CAMKK1: variants seen among roughly 807,000 people sequenced by gnomAD.
CAMKK1 encodes the protein calcium/calmodulin-dependent protein kinase kinase 1.
CAMKK1 carries 20 observed loss-of-function variants against 63.5 expected under a neutral mutation model. The ratio of observed to expected loss-of-function variants is 0.32; its 90% CI spans 0.22 to 0.46. CAMKK1 has a LOEUF of 0.46. Among genes scored for constraint, CAMKK1 ranks in the 20% least tolerant of loss-of-function variants. The pLI is 1.00. For synonymous variants in CAMKK1, 253 were observed against 269.0 expected, an observed-to-expected ratio of 0.94 and a Z score of 0.58; for missense variants, 588 against 658.1, an observed-to-expected ratio of 0.89 and a Z score of 1.17.
intron 14 of CAMKK1, among the ~76,000 whole-genome samples, chr17:3,867,182 G>C (rs1014788499): frequency 3.9e-5 from 6 of 152,236 alleles, no homozygotes; most frequent in Admixed American, 1.3e-4. Context: ...GGGAAGGCTC[G>C]CTTCTCTCTA....
Position 3,862,138 on chromosome 17 carries a change from G to A in CAMKK1, c.*73C>T. ...CAGCCCCCTGCCTGCGGGGGCGGCTGTTGCATGAGGGGTGGGCCTCTGGAG... is the reference window on the plus strand; with the variant it reads ...CAGCCCCCTGCCTGCGGGGGCGGCTATTGCATGAGGGGTGGGCCTCTGGAG... On this transcript the variant is annotated 3_prime_UTR_variant, in exon 16 of 16. Transcript: ENST00000348335. The surrounding 1 kb of genome is among the most constrained non-coding windows in gnomAD (Gnocchi z 4.1). The A allele has an allele frequency of 2.3e-6, 3 of 1,313,344 alleles. No individual in the cohort carries two copies. The highest frequency in any genetic ancestry group is 3.2e-6 in the Non-Finnish European group (3 of 940,990). 81.4% of individuals were successfully genotyped at this position (1,313,344 alleles called of 1,614,324 possible). A position where few individuals can be genotyped will look rare whatever the true frequency, so the allele number is the denominator to read the frequency against.
rs2055522845 is a variant in CAMKK1, at chr17:3,883,826, C to A, written c.462+58G>T. ...TCTCCTAAGCACAACTCCTGCCCCA[C>A]CCCTCAGGCTTCCAGGGCCTGGCTT... On this transcript the variant is annotated intron_variant, in intron 4 of 15. Coordinates refer to ENST00000348335, the MANE Select transcript of CAMKK1 (RefSeq NM_032294.3). This position sits in a 1 kb window ranked among gnomAD's most constrained non-coding sequence, Gnocchi z 4.7. The A allele has an allele frequency of 6.4e-7, 1 of 1,560,906 alleles. No homozygotes were observed.
At chr17:3,869,157 T>A (rs6502750) in intron 14 of CAMKK1, among the ~76,000 whole-genome samples, 57,128 of 147,776 alleles carry the variant, frequency 0.39, 13,580 homozygotes, top group African/African-American at 0.68. Context: ...TTTAGTAGAG[T>A]CGGGGTTTCA....
chr17:3,890,853 C>T lies in CAMKK1; in HGVS notation c.-44+2086G>A, dbSNP rs1357939702. On this transcript the variant is annotated intron_variant, in intron 1 of 15. Coordinates refer to ENST00000348335, the MANE Select transcript of CAMKK1 (RefSeq NM_032294.3). The surrounding 1 kb of genome is among the most constrained non-coding windows in gnomAD (Gnocchi z 6.5). ...TCTTCTGAGCCCTCCTTGATCTCCC[C>T]ACTACCTGCTGGGTGAGCTCACCAA... 1.3e-6 allele frequency: 1 copy of T among 752,186 alleles called. No homozygotes were observed. 46.6% of individuals were successfully genotyped at this position (752,186 alleles called of 1,614,324 possible).
At chr17:3,888,274 C>T (rs977240322) in intron 1 of CAMKK1, among the ~76,000 whole-genome samples, 1 of 152,200 alleles carries the variant, frequency 6.6e-6, no homozygotes, top group Non-Finnish European at 1.5e-5. Flanking sequence ...TCCTCCTTTA[C>T]CCTTGAACAC....
Position 3,889,967 on chromosome 17 carries a change from G to A in CAMKK1, c.-44+2972C>T, listed in dbSNP as rs537087701. On this transcript the variant is annotated intron_variant, in intron 1 of 15. Transcript: ENST00000348335. This position sits in a 1 kb window ranked among gnomAD's most constrained non-coding sequence, Gnocchi z 5.2. ...GCCTCATTCTGAGCGCTGGAAGGCC[G>A]CTGTGAACCCCAGTGCCAAGCCGAG... is the stretch of plus-strand genomic sequence containing the variant. 3.9e-5 allele frequency among the ~76,000 whole-genome samples: 6 copies of A among 152,352 alleles called. No individual in the cohort carries two copies. Among genetic ancestry groups the A allele is most frequent in the African/African-American group, 1.2e-4 (5 of 41,592 alleles).
rs1312349642 is a variant in CAMKK1, at chr17:3,884,949, C to T, written c.360+379G>A. Among the ~76,000 whole-genome samples the T allele has an allele frequency of 2.0e-5, 3 of 152,290 alleles. No individual in the cohort carries two copies. Among genetic ancestry groups the T allele is most frequent in the South Asian group, 2.1e-4 (1 of 4,826 alleles). ...AGAAGCCCAGAGGCTGGAGGCAGGC[C>T]GGCCGCTTCTGAGTCACAGCAGACT... On this transcript the variant is annotated intron_variant, in intron 2 of 15. Transcript: ENST00000348335. This position sits in a 1 kb window ranked among gnomAD's most constrained non-coding sequence, Gnocchi z 4.5.
At chr17:3,871,565 C>G (rs1222828035) in intron 12 of CAMKK1, among the ~76,000 whole-genome samples, 2 of 149,526 alleles carry the variant, frequency 1.3e-5, no homozygotes, top group South Asian at 2.1e-4. Flanking sequence ...ACCGTGTTAG[C>G]CAGGATGGTC....
intron 1 of CAMKK1, among the ~76,000 whole-genome samples, chr17:3,888,813 G>A (rs533831959): frequency 6.6e-6 from 1 of 152,280 alleles, no homozygotes; most frequent in Non-Finnish European, 1.5e-5. Flanking sequence ...TTCCTGCCGC[G>A]TGTCCGGGAG....
At chr17:3,866,789 G>A (rs891369825) in intron 14 of CAMKK1, among the ~76,000 whole-genome samples, 2 of 151,850 alleles carry the variant, frequency 1.3e-5, no homozygotes, top group African/African-American at 2.4e-5. Flanking sequence ...GCACAATCTC[G>A]GCTCACTGCA....
At chr17:3,891,437 G>A (rs1254631535) in intron 1 of CAMKK1, among the ~76,000 whole-genome samples, 1 of 152,210 alleles carries the variant, frequency 6.6e-6, no homozygotes, top group Non-Finnish European at 1.5e-5. Flanking sequence ...CCTTTTGGGA[G>A]CAGGACTGGA....
At chr17:3,888,071 C>T (rs1235233897) in intron 1 of CAMKK1, among the ~76,000 whole-genome samples, 4 of 152,166 alleles carry the variant, frequency 2.6e-5, no homozygotes, top group African/African-American at 9.7e-5. Flanking sequence ...AGAAAGCAGC[C>T]TCAGAGAGGC....
chr17:3,869,382 G>A, intron 14 of CAMKK1, 105 bp downstream of exon 14: 1 of 1,479,772 alleles, frequency 6.8e-7, no homozygotes, highest in Non-Finnish European at 9.1e-7. Context: ...GATCACAGCT[G>A]GCTGGCCAGG....
intron 9 of CAMKK1, among the ~76,000 whole-genome samples, chr17:3,877,190 C>T (rs897087010): frequency 1.4e-4 from 21 of 152,098 alleles, no homozygotes; most frequent in African/African-American, 3.9e-4. Context: ...GCTGCTGGGA[C>T]TGAGAGTAAG....
Position 3,884,260 on chromosome 17 carries a change from C to T in CAMKK1, c.408+120G>A, listed in dbSNP as rs2055544603. ...TACTTCCCACAGGGCACGAAACTGT[C>T]CTCACCTCCAGGCTAGGACTTGCCT... is the stretch of plus-strand genomic sequence containing the variant. On this transcript the variant is annotated intron_variant, in intron 3 of 15. Coordinates refer to ENST00000348335, the MANE Select transcript of CAMKK1 (RefSeq NM_032294.3). The surrounding 1 kb of genome is among the most constrained non-coding windows in gnomAD (Gnocchi z 4.5). 9.0e-7 allele frequency: 1 copy of T among 1,109,880 alleles called. No homozygotes were observed. 68.8% of individuals were successfully genotyped at this position (1,109,880 alleles called of 1,614,324 possible).
In CAMKK1 at chr17:3,861,050, G is replaced by T. The variant is rs1312707991; in HGVS notation, c.*1161C>A. The T allele has an allele frequency of 6.6e-6, 1 of 152,330 alleles. No individual in the cohort carries two copies. Among genetic ancestry groups the T allele is most frequent in the African/African-American group, 2.4e-5 (1 of 41,464 alleles). 9.4% of individuals were successfully genotyped at this position (152,330 alleles called of 1,614,324 possible). ...TGATCCCAGAGAGAAGGTGAAGGCTGCTCCGGAAGAGCTGTGTCTGCACGC... is the reference window on the plus strand; with the variant it reads ...TGATCCCAGAGAGAAGGTGAAGGCTTCTCCGGAAGAGCTGTGTCTGCACGC... On this transcript the variant is annotated 3_prime_UTR_variant, in exon 16 of 16. Coordinates refer to ENST00000348335, the MANE Select transcript of CAMKK1 (RefSeq NM_032294.3).
In CAMKK1 at chr17:3,861,943, T is replaced by G; in HGVS notation, c.*268A>C. ...TTTCTGAGGCTCCATGGGCACCCGG[T>G]TTCCCCACAGAATGGGTCAGGCCAA... is the stretch of plus-strand genomic sequence containing the variant. On this transcript the variant is annotated 3_prime_UTR_variant, in exon 16 of 16. Transcript: ENST00000348335. 1 of 468,554 alleles carries G rather than the reference T, an allele frequency of 2.1e-6. No homozygotes were observed. The highest frequency in any genetic ancestry group is 3.9e-6 in the Non-Finnish European group (1 of 258,918). The allele number at this position is 468,554 out of a possible 1,614,324, so 29.0% of individuals were successfully genotyped here.
chr17:3,864,790 C>T (rs895688057), intron 15 of CAMKK1, among the ~76,000 whole-genome samples: 1 of 152,182 alleles, frequency 6.6e-6, no homozygotes, highest in Non-Finnish European at 1.5e-5. Flanking sequence ...TGAGGCTCTC[C>T]CTGGGTGCAA....
intron 9 of CAMKK1, among the ~76,000 whole-genome samples, chr17:3,878,217 C>T (rs942603582): frequency 6.6e-6 from 1 of 152,204 alleles, no homozygotes; most frequent in African/African-American, 2.4e-5. Context: ...CCACCGAGCC[C>T]TCTCATGGCA....
Sources: allele counts gnomAD v4.1 joint callset (sites outside exome capture counted in the v4.1 genomes callset), GRCh38; gene constraint gnomAD v4.1.1; non-coding constraint Gnocchi (gnomAD v3.1); transcripts MANE v1.5; gene names NCBI Gene and HGNC (gene_info 2026-07-23, HGNC 2026-07-21).